The following SLC24A4 variants were observed in gnomAD, a reference collection of about 807,000 sequenced individuals.
SLC24A4 encodes the protein sodium/potassium/calcium exchanger 4.
A neutral mutation model predicts 79.0 loss-of-function variants in SLC24A4; 53 were observed. That is an observed-to-expected ratio of 0.67 (90% CI 0.54 to 0.84). The LOEUF (loss-of-function observed/expected upper bound fraction) is 0.84. Among genes scored for constraint, SLC24A4 ranks in the 40% least tolerant of loss-of-function variants. SLC24A4 has a pLI of 0.00. For missense variants in SLC24A4, 731 were observed against 822.0 expected, an observed-to-expected ratio of 0.89 and a Z score of 1.35; for synonymous variants, 323 against 323.8, an observed-to-expected ratio of 1.00 and a Z score of 0.03.
intron 10 of SLC24A4, 65 bp downstream of exon 10, chr14:92,449,281 TACACACACACACACACACACACACACAC>T: frequency 8.1e-6 from 7 of 868,532 alleles, no homozygotes; most frequent in Non-Finnish European, 1.0e-5. Context: ...CTCTTTTGTG[TACACACACACACACACACACACACACAC>T]ACACACACAC....
intron 15 of SLC24A4, 126 bp from the exon 16 acceptor site, chr14:92,492,049 T>C: frequency 1.2e-6 from 1 of 868,644 alleles, no homozygotes. Context: ...CACGACCATG[T>C]GGTCACCTGT....
At chr14:92,486,176 A>G (rs1351948229) in intron 13 of SLC24A4, among the ~76,000 whole-genome samples, 1 of 152,160 alleles carries the variant, frequency 6.6e-6, no homozygotes, top group Non-Finnish European at 1.5e-5. Context: ...ATCAGTGTCA[A>G]AAGGGAGAGG....
chr14:92,356,108 A>G (rs549919910), intron 2 of SLC24A4, among the ~76,000 whole-genome samples: 23 of 152,338 alleles, frequency 1.5e-4, no homozygotes, highest in Non-Finnish European at 2.8e-4. Flanking sequence ...TCAACATTTT[A>G]TGATAGAATA....
In SLC24A4 at chr14:92,486,772, C is replaced by T. The variant is rs142889151; in HGVS notation, c.1529C>T (p.Ala510Val). ...GACTGCATGGCCAGCCTAATTGTGG[C>T]GAGACAAGGTATGGATTATGCCCCA... ...VPDCMASLIV[A>V]RQGLGDMAVS... Residue 510 changes from alanine (A) to valine (V), a missense_variant, in exon 14 of 17, where the codon GCG becomes GTG. Ala to Val is a moderately conservative substitution (Grantham distance 64). Transcript: ENST00000532405. 2,076 of 1,612,932 alleles carry T rather than the reference C, an allele frequency of 1.3e-3. 3 individuals are homozygous for T. Among genetic ancestry groups the T allele is most frequent in the African/African-American group, 1.1e-3 (84 of 74,948 alleles).
chr14:92,378,134 C>G (rs934464403), intron 2 of SLC24A4, among the ~76,000 whole-genome samples: 1 of 150,162 alleles, frequency 6.7e-6, no homozygotes, highest in African/African-American at 2.5e-5. Flanking sequence ...ATAGTTCACT[C>G]TTTTCTTTTG....
At chr14:92,387,560 T>TAA (rs1889234707) in intron 2 of SLC24A4, among the ~76,000 whole-genome samples, 1 of 152,196 alleles carries the variant, frequency 6.6e-6, no homozygotes, top group Admixed American at 6.5e-5. Context: ...AAGATATATA[T>TAA]AACATAAAAT....
chr14:92,479,371 G>A (rs111944297), intron 12 of SLC24A4, among the ~76,000 whole-genome samples: 2 of 152,238 alleles, frequency 1.3e-5, no homozygotes, highest in Non-Finnish European at 2.9e-5. Flanking sequence ...ATCCAGTTGA[G>A]AAGGTTCCCT....
intron 2 of SLC24A4, among the ~76,000 whole-genome samples, chr14:92,328,196 G>T (rs1885259064): frequency 6.6e-6 from 1 of 152,146 alleles, no homozygotes; most frequent in African/African-American, 2.4e-5. Context: ...CTTCCTCCCT[G>T]GCCTATGAGA....
chr14:92,324,457 G>C (rs765911647), intron 1 of SLC24A4, among the ~76,000 whole-genome samples: 16 of 152,370 alleles, frequency 1.1e-4, no homozygotes, highest in East Asian at 5.8e-4. Context: ...TCTGCCGCGG[G>C]GGGTAGCTGC....
chr14:92,366,997 C>T (rs547938440), intron 2 of SLC24A4, among the ~76,000 whole-genome samples: 1 of 152,218 alleles, frequency 6.6e-6, no homozygotes, highest in Admixed American at 6.5e-5. Context: ...GGTTGAGGAG[C>T]GTGCTTTCTG....
At chr14:92,478,629 G>T in intron 12 of SLC24A4, among the ~76,000 whole-genome samples, 1 of 138,052 alleles carries the variant, frequency 7.2e-6, no homozygotes, top group African/African-American at 2.7e-5. Context: ...AAATCACAGT[G>T]TGTAAATTTC....
intron 12 of SLC24A4, among the ~76,000 whole-genome samples, chr14:92,472,362 A>G (rs939204930): frequency 6.6e-6 from 1 of 152,168 alleles, no homozygotes; most frequent in African/African-American, 2.4e-5. Flanking sequence ...CAAGCAGTAC[A>G]TACTGAACCC....
rs115538755 is a variant in SLC24A4 at position 92,391,961 on chromosome 14, G to A, written c.242-41951G>A. ...GTGAGAGACTCCAAGTGAGAACCAC[G>A]CTTCCTGACCCCAGCTCTACGTTCT... On this transcript the variant is annotated intron_variant, in intron 2 of 16. Coordinates refer to ENST00000532405, the MANE Select transcript of SLC24A4 (RefSeq NM_153646.4). Among the ~76,000 whole-genome samples, 487 of 152,236 alleles carry A rather than the reference G, an allele frequency of 3.2e-3. 2 individuals carry two copies. Among genetic ancestry groups the A allele is most frequent in the African/African-American group, 0.011 (457 of 41,536 alleles).
intron 1 of SLC24A4, 83 bp from the exon 2 acceptor site, chr14:92,325,785 A>G (rs748424690): frequency 1.2e-4 from 94 of 782,446 alleles, no homozygotes; most frequent in Non-Finnish European, 1.9e-4. Flanking sequence ...TGTTGCTGAC[A>G]TAGACACACA....
chr14:92,444,466 A>G (rs115669309), intron 7 of SLC24A4, among the ~76,000 whole-genome samples: 1 of 152,198 alleles, frequency 6.6e-6, no homozygotes, highest in Non-Finnish European at 1.5e-5. Context: ...AATTCCAAAC[A>G]GAGCAAAGTA....
At chr14:92,408,166 AGTGTGTGT>A (rs143375295) in intron 2 of SLC24A4, among the ~76,000 whole-genome samples, 20 of 136,918 alleles carry the variant, frequency 1.5e-4, no homozygotes, top group Middle Eastern at 3.8e-3. Flanking sequence ...TTGCTACAGC[AGTGTGTGT>A]GTGTGTGTGT....
At chr14:92,466,309 C>T (rs1894114985) in intron 12 of SLC24A4, among the ~76,000 whole-genome samples, 1 of 152,200 alleles carries the variant, frequency 6.6e-6, no homozygotes, top group South Asian at 2.1e-4. Flanking sequence ...CTAAACACGT[C>T]ATGTTTGTTG....
chr14:92,366,941 G>C (rs1265796748), intron 2 of SLC24A4, among the ~76,000 whole-genome samples: 1 of 152,200 alleles, frequency 6.6e-6, no homozygotes, highest in Non-Finnish European at 1.5e-5. Flanking sequence ...GACTAGAACG[G>C]GGTGTCTTGT....
At chr14:92,360,904 A>G (rs1191968841) in intron 2 of SLC24A4, among the ~76,000 whole-genome samples, 5 of 152,242 alleles carry the variant, frequency 3.3e-5, no homozygotes, top group Non-Finnish European at 7.3e-5. Flanking sequence ...ATTTGGCTGC[A>G]CAGCGTTTAT....
Sources: gnomAD v4.1 joint callset for allele counts (sites outside exome capture counted in the v4.1 genomes callset) on GRCh38, gnomAD v4.1.1 for gene constraint, MANE v1.5 for transcripts, NCBI Gene and HGNC (gene_info 2026-07-23, HGNC 2026-07-21) for gene names.